The following SLC9A9 variants were observed in gnomAD, a reference collection of about 807,000 sequenced individuals.
SLC9A9 encodes solute carrier family 9 member A9, also known as sodium/hydrogen exchanger 9.
A neutral mutation model predicts 77.8 loss-of-function variants in SLC9A9; 62 were observed. The observed-to-expected ratio is 0.80, with a 90% CI of 0.65 to 0.98. The LOEUF is 0.98. Ranked by LOEUF, SLC9A9 falls within the 50% of genes least tolerant of loss-of-function variation. The probability of loss-of-function intolerance (pLI) is 0.00; values close to 1 mark genes in which losing one functional copy is unlikely to be tolerated. For missense variants in SLC9A9, 775 were observed against 774.9 expected (o/e 1.00, Z 0.00); for synonymous variants, 320 against 283.5 (o/e 1.13, Z -1.29).
chr3:143,818,090 T>G (rs1317442016), intron 2 of SLC9A9, among the ~76,000 whole-genome samples: 1 of 152,216 alleles, frequency 6.6e-6, no homozygotes, highest in Non-Finnish European at 1.5e-5. Flanking sequence ...TTGCATAATA[T>G]TGTGGGATTA....
At chr3:143,683,729 A>G (rs1037798195) in intron 5 of SLC9A9, among the ~76,000 whole-genome samples, 1 of 152,148 alleles carries the variant, frequency 6.6e-6, no homozygotes, top group African/African-American at 2.4e-5. Flanking sequence ...ATGACCTCTC[A>G]TCTATAAGAA....
At chr3:143,534,364 C>A (rs759478715) in intron 9 of SLC9A9, among the ~76,000 whole-genome samples, 1 of 152,168 alleles carries the variant, frequency 6.6e-6, no homozygotes, top group African/African-American at 2.4e-5. Context: ...AGTTTGATGG[C>A]CTGTACAATG....
intron 14 of SLC9A9, among the ~76,000 whole-genome samples, chr3:143,356,649 T>C (rs1035117037): frequency 1.3e-5 from 2 of 152,136 alleles, no homozygotes; most frequent in Non-Finnish European, 2.9e-5. Flanking sequence ...GCCTTCCTAG[T>C]TGGTAGGACT....
intron 12 of SLC9A9, among the ~76,000 whole-genome samples, chr3:143,448,809 A>G (rs2034893714): frequency 7.4e-6 from 1 of 134,862 alleles, no homozygotes; most frequent in African/African-American, 2.8e-5. Context: ...AATGTAAATA[A>G]TTTTGAATTA....
chr3:143,724,938 C>A (rs991081798), intron 4 of SLC9A9, among the ~76,000 whole-genome samples: 4 of 152,062 alleles, frequency 2.6e-5, no homozygotes, highest in African/African-American at 9.7e-5. Flanking sequence ...GCCATGAAAA[C>A]CAGGACACAG....
At chr3:143,703,234 A>G (rs544593795) in intron 4 of SLC9A9, among the ~76,000 whole-genome samples, 20 of 152,250 alleles carry the variant, frequency 1.3e-4, no homozygotes, top group African/African-American at 4.1e-4. Flanking sequence ...TAATAGATAT[A>G]GAACATTTCA....
chr3:143,319,272 C>T (rs2031329963), intron 14 of SLC9A9, among the ~76,000 whole-genome samples: 1 of 152,184 alleles, frequency 6.6e-6, no homozygotes, highest in Admixed American at 6.5e-5. Context: ...AGCCAGGACA[C>T]AGGCTTCCTG....
intron 5 of SLC9A9, among the ~76,000 whole-genome samples, chr3:143,658,379 C>G (rs553470126): frequency 1.3e-5 from 2 of 152,302 alleles, no homozygotes; most frequent in African/African-American, 4.8e-5. Flanking sequence ...CTCCAGTCAT[C>G]TTCGGTAGAG....
chr3:143,774,031 T>A (rs2007614950), intron 4 of SLC9A9, among the ~76,000 whole-genome samples: 1 of 152,244 alleles, frequency 6.6e-6, no homozygotes, highest in Non-Finnish European at 1.5e-5. Context: ...ATGTGTTTAT[T>A]TAACATCAAA....
At chr3:143,425,882 A>G (rs527493493) in intron 12 of SLC9A9, among the ~76,000 whole-genome samples, 9 of 152,314 alleles carry the variant, frequency 5.9e-5, no homozygotes, top group Admixed American at 5.2e-4. Flanking sequence ...GAAAAGGGTG[A>G]AAAACTCCAT....
intron 4 of SLC9A9, among the ~76,000 whole-genome samples, chr3:143,769,631 TG>T (rs1463442372): frequency 1.3e-5 from 2 of 152,174 alleles, no homozygotes; most frequent in African/African-American, 4.8e-5. Flanking sequence ...TAATTCCATG[TG>T]AGCTAAAGAA....
At chr3:143,799,566 G>A (rs577603612) in intron 2 of SLC9A9, among the ~76,000 whole-genome samples, 295 of 152,286 alleles carry the variant, frequency 1.9e-3, no homozygotes, top group African/African-American at 6.3e-3. Flanking sequence ...TACAAGTGCC[G>A]GAAATCTGGC....
chr3:143,536,780 A>G (rs1302175434), intron 9 of SLC9A9, among the ~76,000 whole-genome samples: 1 of 152,226 alleles, frequency 6.6e-6, no homozygotes, highest in Non-Finnish European at 1.5e-5. Flanking sequence ...ACCTACTCAC[A>G]CAGAATATAA....
chr3:143,787,615 C>A (rs1414029334), intron 4 of SLC9A9, among the ~76,000 whole-genome samples: 1 of 152,128 alleles, frequency 6.6e-6, no homozygotes, highest in Admixed American at 6.5e-5. Flanking sequence ...TCCATGTCAT[C>A]ATAGATGACT....
At chr3:143,781,033 A>G (rs956855712) in intron 4 of SLC9A9, among the ~76,000 whole-genome samples, 7 of 152,190 alleles carry the variant, frequency 4.6e-5, no homozygotes, top group Admixed American at 4.6e-4. Flanking sequence ...ATGTCCCCAT[A>G]TACTCTCTCA....
intron 12 of SLC9A9, among the ~76,000 whole-genome samples, chr3:143,402,762 GTTT>G (rs59074397): frequency 7.2e-6 from 1 of 138,822 alleles, no homozygotes; most frequent in Non-Finnish European, 1.6e-5. Context: ...GGTGAAATTA[GTTT>G]TTTTTTTTTT....
In SLC9A9 at chr3:143,268,908, A is replaced by G. The variant is rs1476332056; in HGVS notation, c.1677T>C (p.Ile559=). The change falls in exon 15 of 16, where the codon ATT becomes ATC. Residue 559 remains isoleucine (I), a synonymous_variant. Coordinates refer to ENST00000316549, the MANE Select transcript of SLC9A9 (RefSeq NM_173653.4). ...CTTGAGGACTGGTAAGCAGCCTGGA[A>G]ATCGGACCACACCATTCAGGTAATG... ...TTTLPEWCGP[I]SRLLTSPQAY... 2 of 1,613,818 alleles carry G rather than the reference A, an allele frequency of 1.2e-6. No homozygotes were observed. Among genetic ancestry groups the G allele is most frequent in the Admixed American group, 3.3e-5 (2 of 59,998 alleles).
intron 12 of SLC9A9, among the ~76,000 whole-genome samples, chr3:143,429,740 G>A (rs1156346294): frequency 7.2e-6 from 1 of 139,288 alleles, no homozygotes; most frequent in Non-Finnish European, 1.5e-5. Flanking sequence ...GAGGCTGAGT[G>A]TGTGTGGAGT....
chr3:143,562,756 A>G (rs1232595007), intron 8 of SLC9A9, among the ~76,000 whole-genome samples: 1 of 151,726 alleles, frequency 6.6e-6, no homozygotes, highest in Non-Finnish European at 1.5e-5. Context: ...AGCAATCCTT[A>G]AATGCAACTC....
Sources: gnomAD v4.1 joint callset for allele counts (sites outside exome capture counted in the v4.1 genomes callset) on GRCh38, gnomAD v4.1.1 for gene constraint, MANE v1.5 for transcripts, NCBI Gene and HGNC (gene_info 2026-07-23, HGNC 2026-07-21) for gene names.